MRRF: variants seen among roughly 807,000 people sequenced by gnomAD.
MRRF encodes the protein mitochondrial ribosome recycling factor, also known as ribosome-recycling factor, mitochondrial.
A neutral mutation model predicts 25.1 loss-of-function variants in MRRF; 18 were observed. That is an observed-to-expected ratio of 0.72 (90% confidence interval 0.50 to 1.06). The LOEUF (loss-of-function observed/expected upper bound fraction) is 1.06, where lower values mean the gene tolerates loss of function less well. MRRF is among the 50% of genes least tolerant of loss of function. MRRF has a pLI of 0.00. For missense variants in MRRF, 323 were observed against 319.3 expected, an observed-to-expected ratio of 1.01 and a Z score of -0.09; for synonymous variants, 113 against 112.1, an observed-to-expected ratio of 1.01 and a Z score of -0.05.
intron 2 of MRRF, among the ~76,000 whole-genome samples, chr9:122,271,990 T>A (rs1832491067): frequency 6.6e-6 from 1 of 152,242 alleles, no homozygotes. Context: ...AGAACAGTAA[T>A]GCTTAGAAGA....
At chr9:122,271,149 T>C in intron 2 of MRRF, 74 bp downstream of exon 2, 1 of 1,261,324 alleles carries the variant, frequency 7.9e-7, no homozygotes, top group Non-Finnish European at 1.2e-6. Context: ...CTGGCAGGTA[T>C]CTCAGATGTA....
At chr9:122,289,487 G>A (rs1222275661) in intron 4 of MRRF, among the ~76,000 whole-genome samples, 1 of 152,094 alleles carries the variant, frequency 6.6e-6, no homozygotes, top group Non-Finnish European at 1.5e-5. Flanking sequence ...GGGTGTTACA[G>A]TAGTGATTAT....
At chr9:122,311,772 G>A (rs1835220460) in intron 5 of MRRF, among the ~76,000 whole-genome samples, 1 of 152,110 alleles carries the variant, frequency 6.6e-6, no homozygotes, top group Admixed American at 6.5e-5. Context: ...ACTTCAGTAT[G>A]TTCTTTTTGG....
chr9:122,269,769 A>G (rs1024557205), intron 1 of MRRF, among the ~76,000 whole-genome samples: 4 of 152,140 alleles, frequency 2.6e-5, no homozygotes, highest in Non-Finnish European at 5.9e-5. Flanking sequence ...TTGAAAAAAA[A>G]GGTGATAGCT....
chr9:122,278,081 A>T (rs142344091), intron 2 of MRRF, among the ~76,000 whole-genome samples: 1,629 of 152,126 alleles, frequency 0.011, 24 homozygotes, highest in African/African-American at 0.038. Context: ...GTGTTGAAAT[A>T]TTCCTTTTTT....
rs749160870 is a variant in MRRF at position 122,313,213 on chromosome 9, T to C, written c.552-14T>C. Reference sequence around the variant, plus strand: ...ATAGAATGATTTTGTTGAATGTCTTTTGTCTTTTATCAGAGTAACCAGAGA... The same window carrying C: ...ATAGAATGATTTTGTTGAATGTCTTCTGTCTTTTATCAGAGTAACCAGAGA... On this transcript the variant is annotated splice_polypyrimidine_tract_variant and intron_variant, in intron 5 of 6. Transcript: ENST00000344641. 2.5e-6 allele frequency: 4 copies of C among 1,613,254 alleles called. No homozygotes were observed. The highest frequency in any genetic ancestry group is 3.4e-6 in the Non-Finnish European group (4 of 1,179,536).
intron 2 of MRRF, among the ~76,000 whole-genome samples, chr9:122,279,569 TC>T (rs1396642791): frequency 6.6e-6 from 1 of 152,212 alleles, no homozygotes; most frequent in Non-Finnish European, 1.5e-5. Context: ...TTTTTCTCCT[TC>T]CCCATTCCCT....
At chr9:122,301,558 T>C (rs934870484) in intron 5 of MRRF, among the ~76,000 whole-genome samples, 1 of 152,066 alleles carries the variant, frequency 6.6e-6, no homozygotes, top group Non-Finnish European at 1.5e-5. Context: ...CTGTGAAGGA[T>C]AGAGGGGAGA....
At position 122,285,225 on chromosome 9, in the gene MRRF, A is replaced by C. The variant is rs775506148; in HGVS notation, c.397A>C (p.Ile133Leu). ...TADGKLALNQ[I>L]SQISMKSPQL... Reference sequence around the variant, plus strand: ...TGACGGGAAGCTTGCTTTAAACCAGATTAGCCAGATCTCCATGAAGTCGCC... The same window carrying C: ...TGACGGGAAGCTTGCTTTAAACCAGCTTAGCCAGATCTCCATGAAGTCGCC... Residue 133 changes from isoleucine (I) to leucine (L), a missense_variant, in exon 4 of 7, where the codon ATT (isoleucine) becomes CTT (leucine). By Grantham distance (5) the Ile-to-Leu change is conservative. Coordinates refer to ENST00000344641, the MANE Select transcript of MRRF (RefSeq NM_138777.5). 5 of 1,613,982 alleles carry C rather than the reference A, an allele frequency of 3.1e-6. No homozygotes were observed. Among genetic ancestry groups the C allele is most frequent in the Non-Finnish European group, 4.2e-6 (5 of 1,179,958 alleles).
intron 1 of MRRF, chr9:122,265,529 C>G: frequency 2.9e-6 from 1 of 346,484 alleles, no homozygotes; most frequent in South Asian, 2.2e-5. Flanking sequence ...GGAACCAAGA[C>G]TCGGAGTTTT....
chr9:122,285,220 ACCAGATTAG>A lies in MRRF; in HGVS notation c.399_407del (p.Gln135_Ser137del). 1 of 1,614,038 alleles carries A rather than the reference ACCAGATTAG, an allele frequency of 6.2e-7. No homozygotes were observed. Among genetic ancestry groups the A allele is most frequent in the Non-Finnish European group, 8.5e-7 (1 of 1,179,944 alleles). ...ACTGCTGACGGGAAGCTTGCTTTAA[ACCAGATTAG>A]CCAGATCTCCATGAAGTCGCCACAG... is the stretch of plus-strand genomic sequence containing the variant. On this transcript the variant is annotated inframe_deletion, in exon 4 of 7. Transcript: ENST00000344641.
chr9:122,319,804 T>C (rs1375240699), intron 6 of MRRF, among the ~76,000 whole-genome samples: 1 of 152,102 alleles, frequency 6.6e-6, no homozygotes, highest in Non-Finnish European at 1.5e-5. Flanking sequence ...AAGATGAACT[T>C]ACAGGCAGGC....
rs1168624591 is a variant in MRRF, at chr9:122,327,975, C to T, written c.*5358C>T. 2 of 151,034 alleles carry T rather than the reference C, an allele frequency of 1.3e-5. No homozygotes were observed. The highest frequency in any genetic ancestry group is 2.9e-5 in the Non-Finnish European group (2 of 67,802). 9.4% of individuals were successfully genotyped at this position (151,034 alleles called of 1,614,324 possible). ...TATACATAAAATTTACTCTCTTAAC[C>T]ATGTTTTTTTTTTAGACAGGGTCTT... On this transcript the variant is annotated 3_prime_UTR_variant, in exon 7 of 7. Transcript: ENST00000344641.
chr9:122,312,264 G>A (rs1835250421), intron 5 of MRRF, among the ~76,000 whole-genome samples: 1 of 152,182 alleles, frequency 6.6e-6, no homozygotes, highest in South Asian at 2.1e-4. Context: ...ATTCAATGAA[G>A]TAACACACTT....
rs1482155418 is a variant in MRRF at position 122,313,124 on chromosome 9, G to A, written c.552-103G>A. ...TTCCAGGAGTTCAGCCCACAGAGAG[G>A]AAAGTTACAAACTGCTGAACTGGTT... On this transcript the variant is annotated intron_variant, in intron 5 of 6. Coordinates refer to ENST00000344641, the MANE Select transcript of MRRF (RefSeq NM_138777.5). The A allele has an allele frequency of 5.8e-6, 7 of 1,216,242 alleles. No homozygotes were observed. The East Asian group carries it at 1.8e-4, about 31-fold the overall frequency. 75.3% of individuals were successfully genotyped at this position (1,216,242 alleles called of 1,614,324 possible).
intron 6 of MRRF, among the ~76,000 whole-genome samples, chr9:122,318,629 T>C (rs889172362): frequency 6.6e-6 from 1 of 152,196 alleles, no homozygotes; most frequent in Non-Finnish European, 1.5e-5. Flanking sequence ...CCCTTCTCTG[T>C]CCCTGCCTTT....
intron 2 of MRRF, among the ~76,000 whole-genome samples, chr9:122,274,484 C>T (rs541273031): frequency 4.6e-5 from 7 of 151,620 alleles, no homozygotes; most frequent in East Asian, 3.9e-4. Flanking sequence ...TGGCAAAACC[C>T]GGCCCCTTGC....
chr9:122,305,147 A>G (rs1404960117), intron 5 of MRRF, among the ~76,000 whole-genome samples: 1 of 151,874 alleles, frequency 6.6e-6, no homozygotes, highest in African/African-American at 2.4e-5. Context: ...ACTCTCTCTC[A>G]CACTTGTAAT....
chr9:122,278,380 GA>G (rs1204964754), intron 2 of MRRF, among the ~76,000 whole-genome samples: 2 of 152,066 alleles, frequency 1.3e-5, no homozygotes, highest in Non-Finnish European at 2.9e-5. Context: ...TACTACCCTT[GA>G]CCCTTTGCAG....
Sources: allele counts gnomAD v4.1 joint callset (sites outside exome capture counted in the v4.1 genomes callset), GRCh38; gene constraint gnomAD v4.1.1; transcripts MANE v1.5; gene names NCBI Gene and HGNC (gene_info 2026-07-23, HGNC 2026-07-21).